SPINK8: variants seen among roughly 807,000 people sequenced by gnomAD.
The protein encoded by SPINK8 is serine peptidase inhibitor Kazal type 8 (putative).
Under a neutral mutation model 14.4 loss-of-function variants are expected in SPINK8, and 12 were observed. The ratio of observed to expected loss-of-function variants is 0.83; its 90% CI spans 0.53 to 1.35. SPINK8 has a LOEUF of 1.35. Ranked by LOEUF, SPINK8 falls within the 40% of genes most tolerant of loss-of-function variation. The probability of loss-of-function intolerance (pLI) is 0.00; values close to 1 mark genes in which losing one functional copy is unlikely to be tolerated. For synonymous variants in SPINK8, 32 were observed against 37.6 expected (o/e 0.85, Z 0.55); for missense variants, 103 against 117.0 (o/e 0.88, Z 0.55).
At chr3:48,317,119 T>C (rs2036003361) in intron 6 of SPINK8, among the ~76,000 whole-genome samples, 2 of 152,166 alleles carry the variant, frequency 1.3e-5, no homozygotes, top group Admixed American at 1.3e-4. Context: ...TGTGAATGGG[T>C]GTACAATGAA....
At chr3:48,310,260 G>A (rs959878188) in intron 6 of SPINK8, among the ~76,000 whole-genome samples, 20 of 152,054 alleles carry the variant, frequency 1.3e-4, no homozygotes, top group African/African-American at 4.8e-4. Flanking sequence ...CTGAAACATC[G>A]CTACTGACCT....
chr3:48,307,904 TGGTACTAG>T (rs1284879979), intron 7 of SPINK8, among the ~76,000 whole-genome samples: 1 of 150,276 alleles, frequency 6.7e-6, no homozygotes, highest in Non-Finnish European at 1.5e-5. Context: ...AAGCTGTCAG[TGGTACTAG>T]CTCTAGATCA....
At chr3:48,308,777 A>G (rs2035883750) in intron 7 of SPINK8, among the ~76,000 whole-genome samples, 1 of 152,224 alleles carries the variant, frequency 6.6e-6, no homozygotes, top group Non-Finnish European at 1.5e-5. Flanking sequence ...ACACCATTCT[A>G]TAGATATCCT....
chr3:48,319,625 G>T lies in SPINK8; in HGVS notation c.118-7C>A, dbSNP rs957645542. On this transcript the variant is annotated splice_region_variant and splice_polypyrimidine_tract_variant and intron_variant, in intron 5 of 7. Coordinates refer to ENST00000434006, the MANE Select transcript of SPINK8 (RefSeq NM_001080525.3). The stretch of plus-strand genomic sequence containing the variant: ...CATTCTTGAGGCATTCAACCTGAAG[G>T]TGAGACACACACAACTGCTTCAGAC... The T allele has an allele frequency of 1.9e-6, 3 of 1,613,642 alleles. No homozygotes were observed. The African/African-American group carries it at 4.0e-5, about 22-fold the overall frequency.
chr3:48,311,157 C>G (rs2035919747), intron 6 of SPINK8, among the ~76,000 whole-genome samples: 2 of 151,862 alleles, frequency 1.3e-5, no homozygotes, highest in African/African-American at 4.8e-5. Context: ...CTAATTGATT[C>G]AAAACATACA....
intron 4 of SPINK8, among the ~76,000 whole-genome samples, chr3:48,325,626 C>G (rs2036129415): frequency 6.9e-6 from 1 of 145,956 alleles, no homozygotes; most frequent in African/African-American, 2.5e-5. Context: ...GAGTTTCACT[C>G]TTGTCACCCA....
At chr3:48,310,088 C>G in intron 6 of SPINK8, 142 bp from the exon 7 acceptor site, 1 of 1,121,612 alleles carries the variant, frequency 8.9e-7, no homozygotes, top group Non-Finnish European at 1.1e-6. Context: ...TTTAAAAATT[C>G]TACTATATGA....
At position 48,328,311 on chromosome 3, in the gene SPINK8, C is replaced by G. The variant is rs1463773006; in HGVS notation, c.31G>C (p.Val11Leu). MKGICSDAIL[V>L]LATSMWMAFA... ...GCCATCCACATGGAGGTAGCTAGAA[C>G]AAGGATGGCGTCTGAGCAGATCCCC... The change falls in exon 4 of 8, where the codon GTT becomes CTT. Residue 11 changes from valine (V) to leucine (L), a missense_variant. Val to Leu is a conservative substitution (Grantham distance 32). Transcript: ENST00000434006. 1.2e-6 allele frequency: 2 copies of G among 1,611,486 alleles called. No homozygotes were observed. Among genetic ancestry groups the G allele is most frequent in the East Asian group, 4.5e-5 (2 of 44,864 alleles).
chr3:48,328,486 G>A (rs549582773), intron 3 of SPINK8, 132 bp from the exon 4 acceptor site: 7 of 521,760 alleles, frequency 1.3e-5, no homozygotes, highest in South Asian at 8.1e-5. Flanking sequence ...GGAATGAATT[G>A]TGTCTGATGC....
At position 48,321,105 on chromosome 3, in the gene SPINK8, G is replaced by A. The variant is rs750919563; in HGVS notation, c.68-31C>T. ...AGACAAAAGCACATACAGAAAAGTT[G>A]CTTCTCTGTCTTCTGCCCTCAGCGA... is the stretch of plus-strand genomic sequence containing the variant. On this transcript the variant is annotated intron_variant, in intron 4 of 7. Coordinates refer to ENST00000434006, the MANE Select transcript of SPINK8 (RefSeq NM_001080525.3). 14 of 1,559,346 alleles carry A rather than the reference G, an allele frequency of 9.0e-6. No individual in the cohort carries two copies. The East Asian group carries it at 3.3e-4, about 37-fold the overall frequency.
intron 7 of SPINK8, among the ~76,000 whole-genome samples, chr3:48,308,520 A>G (rs1211313539): frequency 1.3e-5 from 2 of 152,208 alleles, no homozygotes; most frequent in Admixed American, 1.3e-4. Flanking sequence ...AGGTCCCAAC[A>G]TGATACAGGG....
intron 6 of SPINK8, among the ~76,000 whole-genome samples, chr3:48,314,058 A>G (rs2035955653): frequency 6.6e-6 from 1 of 152,200 alleles, no homozygotes. Context: ...AACATTGTAA[A>G]TGTACTAAAT....
At chr3:48,326,761 T>A (rs1351857212) in intron 4 of SPINK8, among the ~76,000 whole-genome samples, 2 of 151,760 alleles carry the variant, frequency 1.3e-5, no homozygotes, top group Non-Finnish European at 2.9e-5. Flanking sequence ...ATAAAAAAAA[T>A]TTAGCCAGGC....
At chr3:48,307,546 C>A (rs972444561) in intron 7 of SPINK8, among the ~76,000 whole-genome samples, 11 of 148,150 alleles carry the variant, frequency 7.4e-5, no homozygotes, top group African/African-American at 2.5e-4. Context: ...CCCCCACCCC[C>A]CCACCTCTTC....
In SPINK8 at chr3:48,329,294, A is replaced by G. The variant is rs1349162264; in HGVS notation, c.-135-20T>C. On this transcript the variant is annotated intron_variant, in intron 2 of 7. Transcript: ENST00000434006. ...CAATGCCTGGAAGTAGAAGAGAGTG[A>G]GCTTTGAAATTAGGAAGTGTAGATA... Among the ~76,000 whole-genome samples the G allele has an allele frequency of 6.6e-6, 1 of 152,226 alleles. No homozygotes were observed. Among genetic ancestry groups the G allele is most frequent in the Non-Finnish European group, 1.5e-5 (1 of 68,038 alleles).
intron 6 of SPINK8, among the ~76,000 whole-genome samples, chr3:48,315,037 A>G (rs1160266943): frequency 6.6e-6 from 1 of 152,238 alleles, no homozygotes; most frequent in Non-Finnish European, 1.5e-5. Flanking sequence ...TTTGTTGTCA[A>G]AGACTGGGAG....
intron 6 of SPINK8, among the ~76,000 whole-genome samples, chr3:48,317,496 A>T (rs2036008907): frequency 6.6e-6 from 1 of 151,014 alleles, no homozygotes; most frequent in South Asian, 2.1e-4. Context: ...CTCAAAAAAT[A>T]AAAAAAAAGG....
intron 5 of SPINK8, among the ~76,000 whole-genome samples, chr3:48,320,316 G>A (rs1171788563): frequency 4.6e-5 from 7 of 152,140 alleles, no homozygotes; most frequent in South Asian, 2.1e-4. Context: ...TTGGGAGGCC[G>A]AGGTGGGCAG....
intron 5 of SPINK8, among the ~76,000 whole-genome samples, chr3:48,320,124 C>T (rs1226938867): frequency 2.0e-5 from 3 of 148,706 alleles, no homozygotes; most frequent in African/African-American, 5.0e-5. Context: ...AGCAAGACTC[C>T]GTCTCCAAAA....
Sources: allele counts gnomAD v4.1 joint callset (sites outside exome capture counted in the v4.1 genomes callset), GRCh38; gene constraint gnomAD v4.1.1; transcripts MANE v1.5; gene names NCBI Gene and HGNC (gene_info 2026-07-23, HGNC 2026-07-21).